Variants in USP6NL observed in about 807,000 individuals in gnomAD.
The protein encoded by USP6NL is USP6 N-terminal-like protein.
A neutral mutation model predicts 61.9 loss-of-function variants in USP6NL; 26 were observed. That is an observed-to-expected ratio of 0.42 (90% confidence interval 0.31 to 0.58). USP6NL has a LOEUF of 0.58. USP6NL is among the 20% of genes least tolerant of loss of function. The pLI, the probability that USP6NL is intolerant of heterozygous loss-of-function variation, is 0.16. For missense variants in USP6NL, 1,114 were observed against 1,034.3 expected, an observed-to-expected ratio of 1.08 and a Z score of -1.06; for synonymous variants, 432 against 390.1, an observed-to-expected ratio of 1.11 and a Z score of -1.27.
chr10:11,467,578 A>G (rs1832526581), intron 14 of USP6NL, among the ~76,000 whole-genome samples: 2 of 152,240 alleles, frequency 1.3e-5, no homozygotes, highest in African/African-American at 4.8e-5. Context: ...ATATGGTGAA[A>G]TAAGGTATAG....
chr10:11,580,095 T>C (rs952716139), intron 2 of USP6NL, among the ~76,000 whole-genome samples: 9 of 149,772 alleles, frequency 6.0e-5, no homozygotes, highest in Non-Finnish European at 1.0e-4. Flanking sequence ...TCCACGAGAA[T>C]TATCTAGCCC....
intron 2 of USP6NL, among the ~76,000 whole-genome samples, chr10:11,577,751 T>C (rs1252407197): frequency 1.3e-5 from 2 of 152,050 alleles, no homozygotes; most frequent in Non-Finnish European, 2.9e-5. Flanking sequence ...CCCGCCTGCC[T>C]CGGCCCCCCA....
intron 2 of USP6NL, among the ~76,000 whole-genome samples, chr10:11,556,710 C>A (rs1394737580): frequency 6.6e-6 from 1 of 152,022 alleles, no homozygotes; most frequent in African/African-American, 2.4e-5. Flanking sequence ...AAACAATCAA[C>A]CCAAGAGGAA....
At chr10:11,529,700 T>C (rs1054433844) in intron 2 of USP6NL, among the ~76,000 whole-genome samples, 2 of 152,260 alleles carry the variant, frequency 1.3e-5, no homozygotes, top group African/African-American at 4.8e-5. Flanking sequence ...AACTCAATGA[T>C]ATACATATTC....
Position 11,532,340 on chromosome 10 carries a change from G to T in USP6NL, c.5-4773C>A. On this transcript the variant is annotated intron_variant, in intron 2 of 14. Transcript: ENST00000609104. The surrounding 1 kb of genome is among the most constrained non-coding windows in gnomAD (Gnocchi z 4.1). Reference sequence around the variant, plus strand: ...ACATTCTGCAACTAACTAAAACAAAGAAAGGCAGAGGCAGCTCTACTTTAA... The same window carrying T: ...ACATTCTGCAACTAACTAAAACAAATAAAGGCAGAGGCAGCTCTACTTTAA... The T allele has an allele frequency of 1.2e-6, 1 of 866,098 alleles. No homozygotes were observed. 53.7% of individuals were successfully genotyped at this position (866,098 alleles called of 1,614,324 possible). A position where few individuals can be genotyped will look rare whatever the true frequency, so the allele number is the denominator to read the frequency against.
Position 11,495,664 on chromosome 10 carries a change from TCTATA to T in USP6NL, c.385-2441_385-2437del, listed in dbSNP as rs1020116055. Among the ~76,000 whole-genome samples, 105 of 152,364 alleles carry T rather than the reference TCTATA, an allele frequency of 6.9e-4. No homozygotes were observed. Among genetic ancestry groups the T allele is most frequent in the African/African-American group, 2.4e-3 (99 of 41,594 alleles). On this transcript the variant is annotated intron_variant, in intron 7 of 14. Coordinates refer to ENST00000609104, the MANE Select transcript of USP6NL (RefSeq NM_014688.5). This position sits in a 1 kb window ranked among gnomAD's most constrained non-coding sequence, Gnocchi z 4.6. Reference sequence around the variant, plus strand: ...TTTTGAGTGTTCCTTTTTATAGCATTCTATACTTGTTTTATGGATGCAGTATCTAT... The same window carrying T: ...TTTTGAGTGTTCCTTTTTATAGCATTCTTGTTTTATGGATGCAGTATCTAT...
At position 11,481,726 on chromosome 10, in the gene USP6NL, A is replaced by G; in HGVS notation, c.1078+44T>C. 1 of 1,549,210 alleles carries G rather than the reference A, an allele frequency of 6.5e-7. No individual in the cohort carries two copies. On this transcript the variant is annotated intron_variant, in intron 14 of 14. Transcript: ENST00000609104. The surrounding 1 kb of genome is among the most constrained non-coding windows in gnomAD (Gnocchi z 4.4). Reference sequence around the variant, plus strand: ...CATGTTAATTATGCCATGTCTTCCAATCTTAATTATAACGTAGATATAAAG... The same window carrying G: ...CATGTTAATTATGCCATGTCTTCCAGTCTTAATTATAACGTAGATATAAAG...
In USP6NL at chr10:11,499,926, T is replaced by C. The variant is rs1274675059; in HGVS notation, c.384+1175A>G. Among the ~76,000 whole-genome samples the C allele has an allele frequency of 6.6e-6, 1 of 152,188 alleles. No homozygotes were observed. On this transcript the variant is annotated intron_variant, in intron 7 of 14. Coordinates refer to ENST00000609104, the MANE Select transcript of USP6NL (RefSeq NM_014688.5). This position sits in a 1 kb window ranked among gnomAD's most constrained non-coding sequence, Gnocchi z 4.5. ...CTACTTTCATTATTTAAACAAATAC[T>C]AACAGAGCACCTACCATATGCTAGG...
At position 11,532,241 on chromosome 10, in the gene USP6NL, T is replaced by G; in HGVS notation, c.5-4674A>C. On this transcript the variant is annotated intron_variant, in intron 2 of 14. Transcript: ENST00000609104. The surrounding 1 kb of genome is among the most constrained non-coding windows in gnomAD (Gnocchi z 4.1). ...ACAGCTTCAGTCCTCATAGAGTAACTTATCTATTCCAAGATTTCATTATTA... is the reference window on the plus strand; with the variant it reads ...ACAGCTTCAGTCCTCATAGAGTAACGTATCTATTCCAAGATTTCATTATTA... The G allele has an allele frequency of 1.9e-6, 3 of 1,595,986 alleles. No individual in the cohort carries two copies. The highest frequency in any genetic ancestry group is 1.7e-6 in the Non-Finnish European group (2 of 1,171,232).
At position 11,463,990 on chromosome 10, in the gene USP6NL, T is replaced by C. The variant is rs1428083759; in HGVS notation, c.1079-141A>G. On this transcript the variant is annotated intron_variant, in intron 14 of 14. Coordinates refer to ENST00000609104, the MANE Select transcript of USP6NL (RefSeq NM_014688.5). This position sits in a 1 kb window ranked among gnomAD's most constrained non-coding sequence, Gnocchi z 6.3. ...TACAACACACTGTCATACAACACAC[T>C]GTTTATACCACTTACACACACTGTT... is the stretch of plus-strand genomic sequence containing the variant. 1.2e-6 allele frequency: 1 copy of C among 835,084 alleles called. No homozygotes were observed. Among genetic ancestry groups the C allele is most frequent in the African/African-American group, 1.7e-5 (1 of 58,100 alleles). 51.7% of individuals were successfully genotyped at this position (835,084 alleles called of 1,614,324 possible).
chr10:11,480,827 G>A (rs536805519), intron 14 of USP6NL, among the ~76,000 whole-genome samples: 1 of 152,218 alleles, frequency 6.6e-6, no homozygotes, highest in South Asian at 2.1e-4. Flanking sequence ...TTCATCTCTT[G>A]CCCATGACCT....
chr10:11,552,607 A>G (rs755804659), intron 2 of USP6NL, among the ~76,000 whole-genome samples: 2 of 152,232 alleles, frequency 1.3e-5, no homozygotes, highest in Non-Finnish European at 1.5e-5. Context: ...GGGTGGGAAT[A>G]AGATCAAGGA....
At position 11,525,874 on chromosome 10, in the gene USP6NL, T is replaced by A. The variant is rs770331841; in HGVS notation, c.73-406A>T. Reference sequence around the variant, plus strand: ...TTCTTTTTTGCCTTTTTATGCAAACTCCTTAGAGAAGCAGGCAGAGAAGCT... The same window carrying A: ...TTCTTTTTTGCCTTTTTATGCAAACACCTTAGAGAAGCAGGCAGAGAAGCT... On this transcript the variant is annotated intron_variant, in intron 3 of 14. Transcript: ENST00000609104. This position sits in a 1 kb window ranked among gnomAD's most constrained non-coding sequence, Gnocchi z 5.0. Among the ~76,000 whole-genome samples the A allele has an allele frequency of 1.3e-4, 20 of 152,190 alleles. No homozygotes were observed. The highest frequency in any genetic ancestry group is 2.5e-4 in the Non-Finnish European group (17 of 68,026).
At chr10:11,567,155 T>C (rs566145429) in intron 2 of USP6NL, among the ~76,000 whole-genome samples, 9 of 152,256 alleles carry the variant, frequency 5.9e-5, no homozygotes, top group Non-Finnish European at 1.3e-4. Flanking sequence ...GGTGCTTAAA[T>C]AGTCCATTGC....
intron 2 of USP6NL, among the ~76,000 whole-genome samples, chr10:11,557,506 AT>A (rs1396189514): frequency 6.6e-6 from 1 of 152,264 alleles, no homozygotes; most frequent in East Asian, 1.9e-4. Context: ...AGATGCCATG[AT>A]TTTAAATGCA....
intron 14 of USP6NL, among the ~76,000 whole-genome samples, chr10:11,480,324 GAC>G (rs1476571634): frequency 5.9e-5 from 9 of 152,248 alleles, no homozygotes; most frequent in African/African-American, 2.2e-4. Flanking sequence ...CGCAATCCAT[GAC>G]ACAGGTTTTG....
rs1284521133 is a variant in USP6NL at position 11,489,071 on chromosome 10, A to G, written c.664+31T>C. On this transcript the variant is annotated intron_variant, in intron 10 of 14. Coordinates refer to ENST00000609104, the MANE Select transcript of USP6NL (RefSeq NM_014688.5). The surrounding 1 kb of genome is among the most constrained non-coding windows in gnomAD (Gnocchi z 5.7). ...TTAATCTACTTTTTTCCCTACCTTG[A>G]TTGTTTAGATAAAGCACAGGGTTTT... is the stretch of plus-strand genomic sequence containing the variant. The G allele has an allele frequency of 2.5e-6, 4 of 1,607,800 alleles. No homozygotes were observed. Among genetic ancestry groups the G allele is most frequent in the African/African-American group, 1.3e-5 (1 of 74,670 alleles).
chr10:11,519,565 G>A (rs914085106), intron 4 of USP6NL, among the ~76,000 whole-genome samples: 9 of 152,304 alleles, frequency 5.9e-5, no homozygotes, highest in African/African-American at 1.9e-4. Flanking sequence ...GGGAGGTGGA[G>A]GTTGCAGTGA....
At chr10:11,527,632 G>A in intron 2 of USP6NL, 65 bp from the exon 3 acceptor site, 1 of 1,423,988 alleles carries the variant, frequency 7.0e-7, no homozygotes, top group Non-Finnish European at 9.6e-7. Context: ...AATTAATTAT[G>A]AAACTAAGAC....
Sources: gnomAD v4.1 joint callset for allele counts (sites outside exome capture counted in the v4.1 genomes callset) on GRCh38, gnomAD v4.1.1 for gene constraint, Gnocchi (gnomAD v3.1) non-coding constraint, MANE v1.5 for transcripts, NCBI Gene and HGNC (gene_info 2026-07-23, HGNC 2026-07-21) for gene names.